Variants in CEP57L1 observed in about 807,000 individuals in gnomAD.
CEP57L1 encodes centrosomal protein CEP57L1.
In CEP57L1, 37 loss-of-function variants were observed where a neutral mutation model predicts 61.0. That is an observed-to-expected ratio of 0.61 (90% CI 0.47 to 0.80). The LOEUF (loss-of-function observed/expected upper bound fraction) is 0.80. Ranked by LOEUF, CEP57L1 falls within the 30% of genes least tolerant of loss-of-function variation. The probability of loss-of-function intolerance (pLI) is 0.00; values close to 1 mark genes in which losing one functional copy is unlikely to be tolerated. For missense variants in CEP57L1, 422 were observed against 524.7 expected (o/e 0.80, Z 1.91); for synonymous variants, 137 against 162.3 (o/e 0.84, Z 1.19).
chr6:109,152,627 ATGTGCGTGCGTG>A (rs958738522), intron 4 of CEP57L1, among the ~76,000 whole-genome samples: 1 of 133,252 alleles, frequency 7.5e-6, no homozygotes, highest in African/African-American at 2.9e-5. Context: ...TAGCATATAG[ATGTGCGTGCGTG>A]TGTGTGTGTG....
intron 1 of CEP57L1, among the ~76,000 whole-genome samples, chr6:109,106,831 T>C (rs1473254177): frequency 3.3e-5 from 5 of 152,122 alleles, no homozygotes; most frequent in Non-Finnish European, 7.4e-5. Flanking sequence ...TCCCAGCTAC[T>C]CAGGAGGCTG....
In CEP57L1 at chr6:109,165,653, T is replaced by C. The variant is rs556770602; in HGVS notation, c.*2683T>C. Among the ~76,000 whole-genome samples, 183 of 152,040 alleles carry C rather than the reference T, an allele frequency of 1.2e-3. No individual in the cohort carries two copies. The highest frequency in any genetic ancestry group is 2.2e-3 in the Non-Finnish European group (152 of 68,006). On this transcript the variant is annotated 3_prime_UTR_variant, in exon 11 of 11. Transcript: ENST00000517392. ...CATGTAACCACACACAGCAAATAGG[T>C]TTGGAGTATGGTGTGGTTGTTGAGG...
At chr6:109,097,311 G>A (rs890192498) in intron 1 of CEP57L1, among the ~76,000 whole-genome samples, 4 of 152,134 alleles carry the variant, frequency 2.6e-5, no homozygotes, top group African/African-American at 9.7e-5. Context: ...TCCTCCATTA[G>A]TTCTCCATTA....
At chr6:109,134,636 GA>G (rs1432681655) in intron 1 of CEP57L1, among the ~76,000 whole-genome samples, 1 of 152,208 alleles carries the variant, frequency 6.6e-6, no homozygotes, top group Admixed American at 6.5e-5. Flanking sequence ...CCTGTTTGCA[GA>G]TGACATGATT....
Position 109,169,071 on chromosome 6 carries a change from C to A in CEP57L1, c.*6101C>A, listed in dbSNP as rs1184495305. 6.6e-6 allele frequency among the ~76,000 whole-genome samples: 1 copy of A among 151,070 alleles called. No individual in the cohort carries two copies. The highest frequency in any genetic ancestry group is 1.5e-5 in the Non-Finnish European group (1 of 67,748). On this transcript the variant is annotated 3_prime_UTR_variant, in exon 11 of 11. Transcript: ENST00000517392. ...TGAAATCCCATCTCTACTAAAAATA[C>A]AAAAATTAGCCGGGCATGGTGGTAT... is the stretch of plus-strand genomic sequence containing the variant.
At chr6:109,150,667 A>C (rs1772511356) in intron 4 of CEP57L1, among the ~76,000 whole-genome samples, 1 of 151,886 alleles carries the variant, frequency 6.6e-6, no homozygotes, top group Non-Finnish European at 1.5e-5. Context: ...GTCTCAAAAA[A>C]AAAAAAAAAA....
At position 109,174,250 on chromosome 6, in the gene CEP57L1, T is replaced by G. The variant is rs906165125; in HGVS notation, c.*11280T>G. Among the ~76,000 whole-genome samples the G allele has an allele frequency of 1.3e-5, 2 of 152,184 alleles. No homozygotes were observed. The highest frequency in any genetic ancestry group is 4.8e-5 in the African/African-American group (2 of 41,438). On this transcript the variant is annotated 3_prime_UTR_variant, in exon 11 of 11. Transcript: ENST00000517392. ...AGAGTATGTTATGCACTGAGAACTT[T>G]TCAGATTTCTTGCAGAGGTCATAAT... is the stretch of plus-strand genomic sequence containing the variant.
chr6:109,116,799 A>AC (rs2114670618), intron 1 of CEP57L1, among the ~76,000 whole-genome samples: 1 of 152,310 alleles, frequency 6.6e-6, no homozygotes, highest in South Asian at 2.1e-4. Flanking sequence ...TGACCTAACA[A>AC]CACAATTGCT....
intron 1 of CEP57L1, among the ~76,000 whole-genome samples, chr6:109,113,417 A>G (rs767650885): frequency 1.2e-4 from 19 of 152,116 alleles, no homozygotes; most frequent in Non-Finnish European, 2.5e-4. Context: ...TGAATAAAAT[A>G]CAGTTCTCTC....
Position 109,164,279 on chromosome 6 carries a change from G to A in CEP57L1, c.*1309G>A, listed in dbSNP as rs1161196038. The stretch of plus-strand genomic sequence containing the variant: ...TGTGTAGGAAAAAGTTGGTAATTAT[G>A]GATCTTTTGGGGAGGAAGAGAACTA... On this transcript the variant is annotated 3_prime_UTR_variant, in exon 11 of 11. Transcript: ENST00000517392. Among the ~76,000 whole-genome samples, 1 of 152,104 alleles carries A rather than the reference G, an allele frequency of 6.6e-6. No homozygotes were observed.
At chr6:109,107,484 T>C (rs1420621487) in intron 1 of CEP57L1, among the ~76,000 whole-genome samples, 3 of 152,236 alleles carry the variant, frequency 2.0e-5, no homozygotes, top group East Asian at 3.8e-4. Flanking sequence ...AGATACCTGT[T>C]AAATAATGCA....
intron 1 of CEP57L1, among the ~76,000 whole-genome samples, chr6:109,128,841 C>A (rs1220226858): frequency 2.0e-5 from 3 of 152,144 alleles, no homozygotes; most frequent in African/African-American, 7.2e-5. Context: ...GCTTTGGTGT[C>A]TGTCTCTCCT....
chr6:109,096,089 C>T (rs895914734), intron 1 of CEP57L1, among the ~76,000 whole-genome samples: 10 of 152,106 alleles, frequency 6.6e-5, no homozygotes, highest in Non-Finnish European at 1.5e-4. Context: ...GAAAGCAAAA[C>T]CGTAAAAGTC....
chr6:109,145,127 A>G (rs751435782), intron 1 of CEP57L1, 92 bp from the exon 2 acceptor site: 1 of 705,466 alleles, frequency 1.4e-6, no homozygotes, highest in Non-Finnish European at 2.2e-6. Flanking sequence ...GTATATGATT[A>G]TGTTTTTAAA....
chr6:109,168,655 G>A lies in CEP57L1; in HGVS notation c.*5685G>A, dbSNP rs1017447985. Among the ~76,000 whole-genome samples, 1 of 147,960 alleles carries A rather than the reference G, an allele frequency of 6.8e-6. No individual in the cohort carries two copies. Among genetic ancestry groups the A allele is most frequent in the Non-Finnish European group, 1.5e-5 (1 of 67,390 alleles). On this transcript the variant is annotated 3_prime_UTR_variant, in exon 11 of 11. Coordinates refer to ENST00000517392, the MANE Select transcript of CEP57L1 (RefSeq NM_001271852.3). ...CCTTCACCCAGGCTGGAGTGCAATG[G>A]TACAATCTCGTCTCACTGCAACCTC...
In CEP57L1 at chr6:109,114,569, A is replaced by G. The variant is rs76063405; in HGVS notation, c.-4+18994A>G. Among the ~76,000 whole-genome samples the G allele has an allele frequency of 8.3e-3, 1,260 of 152,292 alleles. 24 individuals carry two copies. Among genetic ancestry groups the G allele is most frequent in the African/African-American group, 0.029 (1,209 of 41,552 alleles). On this transcript the variant is annotated intron_variant, in intron 1 of 10. Coordinates refer to ENST00000517392, the MANE Select transcript of CEP57L1 (RefSeq NM_001271852.3). ...CCTAGAGGACATCATATTAAGGGAA[A>G]TAAGCCAGGGACAGAGAAACAAATA... is the stretch of plus-strand genomic sequence containing the variant.
rs376603426 is a variant in CEP57L1, at chr6:109,131,936, A to T, written c.-3-13283A>T. Among the ~76,000 whole-genome samples, 61 of 152,256 alleles carry T rather than the reference A, an allele frequency of 4.0e-4. 1 individual carries two copies. In the South Asian group the frequency reaches 0.012, roughly 31 times the overall value. ...TTGGACACTGCAACATAAAGCTGAG[A>T]TCCCCAAAGTGTGAATCATCCCCTG... On this transcript the variant is annotated intron_variant, in intron 1 of 10. Transcript: ENST00000517392.
At chr6:109,122,510 A>T (rs1773088406) in intron 1 of CEP57L1, among the ~76,000 whole-genome samples, 1 of 152,028 alleles carries the variant, frequency 6.6e-6, no homozygotes, top group Non-Finnish European at 1.5e-5. Flanking sequence ...TTGATCAAAG[A>T]CTCATCAGAG....
chr6:109,126,602 C>G (rs1773581295), intron 1 of CEP57L1, among the ~76,000 whole-genome samples: 1 of 152,016 alleles, frequency 6.6e-6, no homozygotes, highest in Non-Finnish European at 1.5e-5. Flanking sequence ...TAAACTAAAT[C>G]TTGGTAAAGA....
Sources: allele counts gnomAD v4.1 joint callset (sites outside exome capture counted in the v4.1 genomes callset), GRCh38; gene constraint gnomAD v4.1.1; transcripts MANE v1.5; gene names NCBI Gene and HGNC (gene_info 2026-07-23, HGNC 2026-07-21).